BLACAT1: variants seen among roughly 807,000 people sequenced by gnomAD.
The protein encoded by BLACAT1 is BLACAT1 overlapping LEMD1 locus.
chr1:205,436,677 ATTCTGT>A (rs942689986), downstream of BLACAT1: 14 of 152,094 alleles, frequency 9.2e-5, no homozygotes, highest in Admixed American at 8.5e-4. Flanking sequence ...TTGGGAACAG[ATTCTGT>A]TTCTTGGTTC....
chr1:205,453,120 A>G (rs1666517896), intron 1 of BLACAT1, among the ~76,000 whole-genome samples: 1 of 152,274 alleles, frequency 6.6e-6, no homozygotes, highest in South Asian at 2.1e-4. Flanking sequence ...AGAGAGCCTC[A>G]GGGGATCTGA....
Position 205,441,936 on chromosome 1 carries a change from GAA to G in BLACAT1, c.-36-876_-36-875del, listed in dbSNP as rs1321561484. Among the ~76,000 whole-genome samples the G allele has an allele frequency of 6.6e-6, 1 of 152,196 alleles. No homozygotes were observed. Among genetic ancestry groups the G allele is most frequent in the Non-Finnish European group, 1.5e-5 (1 of 68,036 alleles). ...TGGTATCTGTTGCAGTCTGGCTGGG[GAA>G]GAGAGGGAGCTTCAGGAGCTCAGCT... On this transcript the variant is annotated intron_variant, in intron 1 of 1. Transcript: ENST00000629624. The surrounding 1 kb of genome is among the most constrained non-coding windows in gnomAD (Gnocchi z 4.3).
At chr1:205,452,909 G>T (rs550480503) in intron 1 of BLACAT1, among the ~76,000 whole-genome samples, 1 of 152,300 alleles carries the variant, frequency 6.6e-6, no homozygotes, top group South Asian at 2.1e-4. Context: ...TGAATGAATG[G>T]CTGATAAAGC....
At position 205,451,404 on chromosome 1, in the gene BLACAT1, C is replaced by T. The variant is rs768599781; in HGVS notation, c.-37+4513G>A. Among the ~76,000 whole-genome samples, 3 of 152,206 alleles carry T rather than the reference C, an allele frequency of 2.0e-5. 1 individual carries two copies. Among genetic ancestry groups the T allele is most frequent in the Non-Finnish European group, 4.4e-5 (3 of 68,042 alleles). On this transcript the variant is annotated intron_variant, in intron 1 of 1. Coordinates refer to ENST00000629624, the Ensembl canonical transcript of BLACAT1. ...TGGGAAACTTCTGCCCCAACAGAGG[C>T]CCCATTCTTCCTGCCGCAGGCTCCC...
chr1:205,442,476 G>A lies in BLACAT1; in HGVS notation c.-36-1414C>T, dbSNP rs145826294. 3.1e-3 allele frequency among the ~76,000 whole-genome samples: 479 copies of A among 152,252 alleles called. 4 individuals are homozygous for A. The highest frequency in any genetic ancestry group is 0.011 in the African/African-American group (437 of 41,532). Reference sequence around the variant, plus strand: ...TTGCCCTTTTGGAAAAACTTCCTTCGTGTTTCTCCAGACAGAGCCAAGGCC... The same window carrying A: ...TTGCCCTTTTGGAAAAACTTCCTTCATGTTTCTCCAGACAGAGCCAAGGCC... On this transcript the variant is annotated intron_variant, in intron 1 of 1. Coordinates refer to ENST00000629624, the Ensembl canonical transcript of BLACAT1.
intron 1 of BLACAT1, among the ~76,000 whole-genome samples, chr1:205,452,952 T>A (rs113912058): frequency 6.6e-6 from 1 of 152,338 alleles, no homozygotes; most frequent in South Asian, 2.1e-4. Flanking sequence ...TAAGCTCTCC[T>A]GTATTTCAGG....
chr1:205,445,774 C>G (rs1413828383), intron 1 of BLACAT1, among the ~76,000 whole-genome samples: 1 of 152,206 alleles, frequency 6.6e-6, no homozygotes, highest in Non-Finnish European at 1.5e-5. Flanking sequence ...GCAGCAGCAG[C>G]TGGGAACCTG....
At chr1:205,446,596 G>A (rs1553400614) in intron 1 of BLACAT1, among the ~76,000 whole-genome samples, 1 of 152,242 alleles carries the variant, frequency 6.6e-6, no homozygotes, top group Non-Finnish European at 1.5e-5. Context: ...GGGCAGGAAG[G>A]TGGCATGGCT....
chr1:205,435,110 T>A (rs553016577), downstream of BLACAT1: 2 of 152,272 alleles, frequency 1.3e-5, no homozygotes, highest in East Asian at 1.9e-4. Context: ...AGTGCAGGAG[T>A]TTAGCATGAT....
chr1:205,448,610 C>T lies in BLACAT1; in HGVS notation c.-37+7307G>A, dbSNP rs1483549819. On this transcript the variant is annotated intron_variant, in intron 1 of 1. Coordinates refer to ENST00000629624, the Ensembl canonical transcript of BLACAT1. The surrounding 1 kb of genome is among the most constrained non-coding windows in gnomAD (Gnocchi z 4.7). ...TTTCCAGTTCTTGCCCTACAAAGGC[C>T]TCACACAATGGTCCTCACTCCAGGG... Among the ~76,000 whole-genome samples, 1 of 152,142 alleles carries T rather than the reference C, an allele frequency of 6.6e-6. No individual in the cohort carries two copies. Among genetic ancestry groups the T allele is most frequent in the Non-Finnish European group, 1.5e-5 (1 of 68,020 alleles).
In BLACAT1 at chr1:205,450,693, C is replaced by T. The variant is rs1666484746; in HGVS notation, c.-37+5224G>A. 6.6e-6 allele frequency among the ~76,000 whole-genome samples: 1 copy of T among 152,180 alleles called. No homozygotes were observed. Among genetic ancestry groups the T allele is most frequent in the African/African-American group, 2.4e-5 (1 of 41,442 alleles). On this transcript the variant is annotated intron_variant, in intron 1 of 1. Coordinates refer to ENST00000629624, the Ensembl canonical transcript of BLACAT1. The surrounding 1 kb of genome is among the most constrained non-coding windows in gnomAD (Gnocchi z 4.4). ...GCACATGAAGGGCTCAGCCCCTGGC[C>T]TGCCTACCAATCCCAGCCCACCTGA... is the stretch of plus-strand genomic sequence containing the variant.
Position 205,441,710 on chromosome 1 carries a change from G to C in BLACAT1, c.-36-648C>G, listed in dbSNP as rs984832393. Among the ~76,000 whole-genome samples the C allele has an allele frequency of 5.9e-5, 9 of 152,242 alleles. No homozygotes were observed. Among genetic ancestry groups the C allele is most frequent in the African/African-American group, 1.7e-4 (7 of 41,468 alleles). On this transcript the variant is annotated intron_variant, in intron 1 of 1. Transcript: ENST00000629624. This position sits in a 1 kb window ranked among gnomAD's most constrained non-coding sequence, Gnocchi z 4.3. ...CCATGCAGAGAAGAGACAGCAAAGAGGGTTCTTTTAGCCAACAGGCTCTTT... is the reference window on the plus strand; with the variant it reads ...CCATGCAGAGAAGAGACAGCAAAGACGGTTCTTTTAGCCAACAGGCTCTTT...
chr1:205,445,864 CT>C (rs1666380790), intron 1 of BLACAT1, among the ~76,000 whole-genome samples: 1 of 152,238 alleles, frequency 6.6e-6, no homozygotes, highest in African/African-American at 2.4e-5. Flanking sequence ...GGGAGAGAGA[CT>C]TTTTTTCCCC....
intron 1 of BLACAT1, among the ~76,000 whole-genome samples, chr1:205,445,275 A>T (rs995322761): frequency 3.9e-5 from 6 of 152,114 alleles, no homozygotes; most frequent in Non-Finnish European, 2.9e-5. Context: ...TGGGAACTGT[A>T]GTCTACAAGA....
chr1:205,446,143 A>T (rs965545417), intron 1 of BLACAT1, among the ~76,000 whole-genome samples: 4 of 152,230 alleles, frequency 2.6e-5, no homozygotes, highest in Non-Finnish European at 4.4e-5. Flanking sequence ...AAGGGACATG[A>T]GGGCAACTTG....
chr1:205,454,713 G>T (rs982893969), intron 1 of BLACAT1, among the ~76,000 whole-genome samples: 6 of 152,082 alleles, frequency 3.9e-5, no homozygotes, highest in African/African-American at 1.2e-4. Flanking sequence ...CCTAAAGGGG[G>T]TTTCTTAGAG....
At chr1:205,455,160 C>T (rs1351316453) in intron 1 of BLACAT1, among the ~76,000 whole-genome samples, 1 of 152,162 alleles carries the variant, frequency 6.6e-6, no homozygotes, top group Non-Finnish European at 1.5e-5. Flanking sequence ...CAGAGCTCCT[C>T]CTCCAGGTGG....
Position 205,452,702 on chromosome 1 carries a change from C to A in BLACAT1, c.-37+3215G>T, listed in dbSNP as rs184574251. ...TCAGAGCCTTTCATAGACTTATGTA[C>A]CCTTTGCAGGGACTTAGAGCTCAGC... On this transcript the variant is annotated intron_variant, in intron 1 of 1. Transcript: ENST00000629624. 2.3e-3 allele frequency among the ~76,000 whole-genome samples: 343 copies of A among 152,286 alleles called. 2 individuals are homozygous for A. The highest frequency in any genetic ancestry group is 6.8e-3 in the Middle Eastern group (2 of 294).
intron 1 of BLACAT1, among the ~76,000 whole-genome samples, chr1:205,446,578 G>T (rs1666393020): frequency 6.6e-6 from 1 of 152,224 alleles, no homozygotes; most frequent in South Asian, 2.1e-4. Context: ...GAGGGGCCCA[G>T]TTGCAGGGGG....
Sources: allele counts gnomAD v4.1 joint callset (sites outside exome capture counted in the v4.1 genomes callset), GRCh38; gene constraint gnomAD v4.1.1; non-coding constraint Gnocchi (gnomAD v3.1); transcripts MANE v1.5; gene names NCBI Gene and HGNC (gene_info 2026-07-23, HGNC 2026-07-21).